The following TRDN variants were observed in gnomAD, a reference collection of about 807,000 sequenced individuals.
The protein encoded by TRDN is triadin in skeletal muscle.
A neutral mutation model predicts 149.7 loss-of-function variants in TRDN; 161 were observed. That is an observed-to-expected ratio of 1.08 (90% CI 0.95 to 1.23). The LOEUF is 1.23. TRDN is among the 50% of genes most tolerant of loss of function. The pLI is 0.00. For missense variants in TRDN, 896 were observed against 823.5 expected, an observed-to-expected ratio of 1.09 and a Z score of -1.08; for synonymous variants, 294 against 250.5, an observed-to-expected ratio of 1.17 and a Z score of -1.64.
intron 10 of TRDN, chr6:123,464,116 A>T: frequency 1.1e-5 from 4 of 374,486 alleles, no homozygotes; most frequent in Non-Finnish European, 1.5e-5. Flanking sequence ...ATATAGGCAA[A>T]TTGAGTCTTG....
chr6:123,218,393 C>T lies in TRDN; in HGVS notation c.*208G>A. 1 of 510,724 alleles carries T rather than the reference C, an allele frequency of 2.0e-6. No homozygotes were observed. Among genetic ancestry groups the T allele is most frequent in the Non-Finnish European group, 3.4e-6 (1 of 290,830 alleles). The allele number at this position is 510,724 out of a possible 1,614,324, so 31.6% of individuals were successfully genotyped here. A position where few individuals can be genotyped will look rare whatever the true frequency, so the allele number is the denominator to read the frequency against. On this transcript the variant is annotated 3_prime_UTR_variant, in exon 41 of 41. Transcript: ENST00000334268. ...ACCCCCTCCCACCGCAGCAAACACA[C>T]ATAACAGATTCTTGAGACTTAGACC...
At chr6:123,617,238 G>A (rs1026332285) in intron 1 of TRDN, among the ~76,000 whole-genome samples, 3 of 152,072 alleles carry the variant, frequency 2.0e-5, no homozygotes, top group East Asian at 1.9e-4. Flanking sequence ...TGTCCTGGTC[G>A]AAGAACCAGA....
At chr6:123,338,815 T>A (rs191889737) in intron 21 of TRDN, among the ~76,000 whole-genome samples, 13 of 152,170 alleles carry the variant, frequency 8.5e-5, no homozygotes, top group African/African-American at 2.9e-4. Context: ...AAGAGCAAAA[T>A]ATTTGACCCT....
intron 33 of TRDN, among the ~76,000 whole-genome samples, chr6:123,261,510 T>A (rs1050324485): frequency 2.6e-5 from 4 of 151,774 alleles, no homozygotes; most frequent in Admixed American, 2.6e-4. Context: ...AAGTTTTTTT[T>A]AAAAAAAACT....
At chr6:123,474,741 C>T (rs113846244) in intron 9 of TRDN, among the ~76,000 whole-genome samples, 2 of 151,976 alleles carry the variant, frequency 1.3e-5, no homozygotes, top group Non-Finnish European at 1.5e-5. Flanking sequence ...GACCACAGTA[C>T]AATCAAACTA....
chr6:123,634,833 TGACCATC>T (rs1786209824), intron 1 of TRDN, among the ~76,000 whole-genome samples: 1 of 151,886 alleles, frequency 6.6e-6, no homozygotes, highest in Non-Finnish European at 1.5e-5. Flanking sequence ...AAGTGGAAAA[TGACCATC>T]ACCCAAGAAT....
chr6:123,607,851 C>CTTT (rs558952808), intron 1 of TRDN, among the ~76,000 whole-genome samples: 9 of 130,512 alleles, frequency 6.9e-5, no homozygotes, highest in Admixed American at 3.1e-4. Context: ...CTCTTTTAGT[C>CTTT]TTTTTTTTTT....
chr6:123,269,630 A>T (rs1182550483), intron 31 of TRDN, among the ~76,000 whole-genome samples: 3 of 151,934 alleles, frequency 2.0e-5, no homozygotes, highest in African/African-American at 7.2e-5. Flanking sequence ...TTAATCATTA[A>T]TTGGTAGATT....
intron 28 of TRDN, 62 bp downstream of exon 28, chr6:123,273,275 G>T: frequency 9.6e-7 from 1 of 1,043,090 alleles, no homozygotes; most frequent in South Asian, 1.8e-5. Context: ...ACATGATTTT[G>T]AAAACGTTTC....
At chr6:123,381,235 G>T in intron 16 of TRDN, 135 bp downstream of exon 16, 4 of 779,836 alleles carry the variant, frequency 5.1e-6, no homozygotes, top group Non-Finnish European at 6.1e-6. Context: ...TTTTTCACTT[G>T]GACAAAAAAC....
At chr6:123,288,585 T>C (rs1368592148) in intron 24 of TRDN, among the ~76,000 whole-genome samples, 2 of 152,058 alleles carry the variant, frequency 1.3e-5, no homozygotes, top group Non-Finnish European at 2.9e-5. Context: ...AACAGACACT[T>C]CTCAAAAGAA....
At chr6:123,627,623 C>T (rs1412412945) in intron 1 of TRDN, among the ~76,000 whole-genome samples, 3 of 152,158 alleles carry the variant, frequency 2.0e-5, no homozygotes, top group Non-Finnish European at 2.9e-5. Flanking sequence ...CAAGAGTCAG[C>T]CTAAACTTTG....
At position 123,266,226 on chromosome 6, in the gene TRDN, TTATATATTATATATATTATAA is replaced by T. The variant is rs1562237181; in HGVS notation, c.1784-909_1784-889del. ...TATATTATATATATTATAATATGTATTATATATTATATATATTATAATATATATTATATATTATATATAGTA... is the reference window on the plus strand; with the variant it reads ...TATATTATATATATTATAATATGTATTATATATTATATATTATATATAGTA... On this transcript the variant is annotated intron_variant, in intron 32 of 40. Coordinates refer to ENST00000334268, the MANE Select transcript of TRDN (RefSeq NM_006073.4). Among the ~76,000 whole-genome samples the T allele has an allele frequency of 3.3e-4, 12 of 36,486 alleles. 1 individual carries two copies. Among genetic ancestry groups the T allele is most frequent in the Non-Finnish European group, 5.2e-4 (11 of 21,070 alleles). The allele number at this position is 36,486 out of a possible 152,430, so 23.9% of individuals were successfully genotyped here.
rs1777169943 is a variant in TRDN, at chr6:123,270,504, C to T, written c.1720+635G>A. On this transcript the variant is annotated intron_variant, in intron 30 of 40. Coordinates refer to ENST00000334268, the MANE Select transcript of TRDN (RefSeq NM_006073.4). ...TGGCTGAGGTGGGTAGGATTTCTGTCTTGGAATCAAACAGAGGAAGTTCAG... is the reference window on the plus strand; with the variant it reads ...TGGCTGAGGTGGGTAGGATTTCTGTTTTGGAATCAAACAGAGGAAGTTCAG... 2.0e-5 allele frequency among the ~76,000 whole-genome samples: 3 copies of T among 151,878 alleles called. No homozygotes were observed. The South Asian group carries it at 6.2e-4, about 31-fold the overall frequency.
chr6:123,621,944 A>G (rs570997121), intron 1 of TRDN, among the ~76,000 whole-genome samples: 38 of 152,228 alleles, frequency 2.5e-4, no homozygotes, highest in Non-Finnish European at 5.4e-4. Flanking sequence ...CAACTCCATT[A>G]CTCCTTAGTA....
intron 4 of TRDN, among the ~76,000 whole-genome samples, chr6:123,531,384 GTTAA>G (rs1780246872): frequency 6.6e-6 from 1 of 151,996 alleles, no homozygotes; most frequent in African/African-American, 2.4e-5. Flanking sequence ...CTGAGATGGT[GTTAA>G]TTACTGTACA....
In TRDN at chr6:123,284,425, C is replaced by G. The variant is rs200624415; in HGVS notation, c.1511-5343G>C. Among the ~76,000 whole-genome samples the G allele has an allele frequency of 1.3e-4, 20 of 151,982 alleles. No individual in the cohort carries two copies. The East Asian group carries it at 3.9e-3, about 29-fold the overall frequency. ...TTAAAAACAAAAATCACATGATCAT[C>G]TGAATAGACACAGAAAAAGCATTTG... On this transcript the variant is annotated intron_variant, in intron 24 of 40. Coordinates refer to ENST00000334268, the MANE Select transcript of TRDN (RefSeq NM_006073.4).
intron 4 of TRDN, among the ~76,000 whole-genome samples, chr6:123,535,186 A>G (rs1780466275): frequency 6.6e-6 from 1 of 152,102 alleles, no homozygotes; most frequent in African/African-American, 2.4e-5. Context: ...AAAAAGTTAC[A>G]ATTATCTTAA....
chr6:123,244,358 A>G, intron 38 of TRDN, among the ~76,000 whole-genome samples: 1 of 152,176 alleles, frequency 6.6e-6, no homozygotes, highest in East Asian at 1.9e-4. Context: ...AGAAAAGATT[A>G]CAGGAGCTGC....
Sources: allele counts gnomAD v4.1 joint callset (sites outside exome capture counted in the v4.1 genomes callset), GRCh38; gene constraint gnomAD v4.1.1; transcripts MANE v1.5; gene names NCBI Gene and HGNC (gene_info 2026-07-23, HGNC 2026-07-21).